Variants in PPME1 observed in about 807,000 individuals in gnomAD.
PPME1 encodes the protein testicular secretory protein Li 39.
In PPME1, 17 loss-of-function variants were observed where a neutral mutation model predicts 56.9. That is an observed-to-expected ratio of 0.30 (90% CI 0.20 to 0.45). PPME1 has a LOEUF of 0.45. Ranked by LOEUF, PPME1 falls within the 20% of genes least tolerant of loss-of-function variation. The pLI, the probability that PPME1 is intolerant of heterozygous loss-of-function variation, is 1.00. For synonymous variants in PPME1, 122 were observed against 156.2 expected (o/e 0.78, Z 1.63); for missense variants, 357 against 483.2 (o/e 0.74, Z 2.45).
intron 3 of PPME1, among the ~76,000 whole-genome samples, chr11:74,212,551 C>T (rs1052378276): frequency 7.9e-5 from 12 of 152,140 alleles, no homozygotes; most frequent in African/African-American, 2.2e-4. Flanking sequence ...CCACCTCTCC[C>T]CCAACCTCAG....
intron 3 of PPME1, among the ~76,000 whole-genome samples, chr11:74,217,541 C>CAAAAAAAAAAAAAAAAAAAAAAAA (rs61139169): frequency 1.3e-5 from 1 of 79,034 alleles, no homozygotes; most frequent in Non-Finnish European, 2.4e-5. Context: ...GACTCCGTCT[C>CAAAAAAAAAAAAAAAAAAAAAAAA]AAAAAAAAAA....
At chr11:74,189,317 T>C (rs1375023695) in intron 1 of PPME1, among the ~76,000 whole-genome samples, 1 of 152,160 alleles carries the variant, frequency 6.6e-6, no homozygotes, top group African/African-American at 2.4e-5. Context: ...TGAGACAAGG[T>C]CTCACTCTGT....
chr11:74,252,618 C>G (rs1474290032), intron 13 of PPME1: 8 of 443,212 alleles, frequency 1.8e-5, no homozygotes, highest in Non-Finnish European at 3.6e-5. Flanking sequence ...ATTGTGGGGA[C>G]TGTCCTGTGC....
Position 74,247,114 on chromosome 11 carries a change from C to CAGATGCAAGGTAAGTTATCA in PPME1, c.1004_1009+14dup. 1 of 1,611,576 alleles carries CAGATGCAAGGTAAGTTATCA rather than the reference C, an allele frequency of 6.2e-7. No individual in the cohort carries two copies. The highest frequency in any genetic ancestry group is 2.2e-5 in the East Asian group (1 of 44,844). On this transcript the variant is annotated frameshift_variant, in exon 11 of 14. Transcript: ENST00000328257. LOFTEE classifies it high-confidence loss of function. Reference sequence around the variant, plus strand: ...ATTGGATAAAGATCTGACCATTGGCCAGATGCAAGGTAAGTTATCAAGAAA... The same window carrying CAGATGCAAGGTAAGTTATCA: ...ATTGGATAAAGATCTGACCATTGGCCAGATGCAAGGTAAGTTATCAAGATGCAAGGTAAGTTATCAAGAAA...
rs1859645310 is a variant in PPME1, at chr11:74,251,037, G to T, written c.1074+19G>T. On this transcript the variant is annotated intron_variant, in intron 12 of 13. Coordinates refer to ENST00000328257, the MANE Select transcript of PPME1 (RefSeq NM_016147.3). ...TGACAAGGTGAGTCTGGTGCTCAGTGACTGTAAAAGGACAACTGTGAGAAT... is the reference window on the plus strand; with the variant it reads ...TGACAAGGTGAGTCTGGTGCTCAGTTACTGTAAAAGGACAACTGTGAGAAT... 6.3e-7 allele frequency: 1 copy of T among 1,579,206 alleles called. No homozygotes were observed. Among genetic ancestry groups the T allele is most frequent in the East Asian group, 2.3e-5 (1 of 43,202 alleles).
At chr11:74,243,426 G>A (rs926246330) in intron 9 of PPME1, 16 of 152,092 alleles carry the variant, frequency 1.1e-4, no homozygotes, top group African/African-American at 3.9e-4. Flanking sequence ...CAGTGTGCAT[G>A]TAGGAGGGGC....
intron 1 of PPME1, among the ~76,000 whole-genome samples, chr11:74,196,995 C>A (rs911645218): frequency 3.3e-5 from 5 of 152,152 alleles, no homozygotes; most frequent in African/African-American, 1.2e-4. Context: ...CAAGTCCCAG[C>A]CTCATTTTCC....
In PPME1 at chr11:74,171,390, C is replaced by G; in HGVS notation, c.-32C>G. ...TCAACGTGGGACGAAGCTTCGCCTA[C>G]TGTTTGACTACGTGCGTGCAGCCTC... On this transcript the variant is annotated 5_prime_UTR_variant, in exon 1 of 14. Transcript: ENST00000328257. 1.3e-6 allele frequency: 2 copies of G among 1,592,820 alleles called. No individual in the cohort carries two copies. Among genetic ancestry groups the G allele is most frequent in the Non-Finnish European group, 1.7e-6 (2 of 1,169,426 alleles).
chr11:74,199,874 C>A (rs1858103152), intron 1 of PPME1, among the ~76,000 whole-genome samples: 1 of 152,154 alleles, frequency 6.6e-6, no homozygotes, highest in Admixed American at 6.5e-5. Context: ...GCCATCAGAT[C>A]TCCTGAGACT....
chr11:74,180,220 T>G (rs1171983246), intron 1 of PPME1, among the ~76,000 whole-genome samples: 1 of 152,190 alleles, frequency 6.6e-6, no homozygotes, highest in Non-Finnish European at 1.5e-5. Flanking sequence ...AGTAGGCATA[T>G]CACATTGTAG....
At chr11:74,227,638 A>G (rs1858964610) in intron 5 of PPME1, among the ~76,000 whole-genome samples, 1 of 152,220 alleles carries the variant, frequency 6.6e-6, no homozygotes, top group African/African-American at 2.4e-5. Context: ...TAGCATTAAA[A>G]TATGACAGAA....
At chr11:74,184,989 CTTTTTTTTTTTTTTT>C (rs559947122) in intron 1 of PPME1, among the ~76,000 whole-genome samples, 1 of 95,744 alleles carries the variant, frequency 1.0e-5, no homozygotes. Flanking sequence ...TGAAGTATGT[CTTTTTTTTTTTTTTT>C]TTTTTTTTTT....
chr11:74,237,005 T>G (rs1257314532), intron 8 of PPME1, among the ~76,000 whole-genome samples: 1 of 152,114 alleles, frequency 6.6e-6, no homozygotes. Flanking sequence ...CATGCATCTT[T>G]TAATCTAAGG....
chr11:74,249,750 T>A (rs909365891), intron 11 of PPME1: 1 of 152,230 alleles, frequency 6.6e-6, no homozygotes, highest in Non-Finnish European at 1.5e-5. Flanking sequence ...ACCAGTGGCA[T>A]GTAAAATGTA....
intron 1 of PPME1, among the ~76,000 whole-genome samples, chr11:74,201,641 A>G (rs931912078): frequency 6.6e-6 from 1 of 152,174 alleles, no homozygotes. Context: ...TTATGTCTAA[A>G]TCTGTTTTTT....
Position 74,251,466 on chromosome 11 carries a change from T to G in PPME1, c.1075-182T>G, listed in dbSNP as rs565099389. On this transcript the variant is annotated intron_variant, in intron 12 of 13. Coordinates refer to ENST00000328257, the MANE Select transcript of PPME1 (RefSeq NM_016147.3). ...TCTATGGAGCTATCCCTGGCAAGGA[T>G]AGTGGGGAGGAGTCTTCTAGCTCTG... 20 of 1,428,264 alleles carry G rather than the reference T, an allele frequency of 1.4e-5. No individual in the cohort carries two copies. In the Admixed American group the frequency reaches 5.8e-4, roughly 42 times the overall value. 88.5% of individuals were successfully genotyped at this position (1,428,264 alleles called of 1,614,324 possible).
At chr11:74,253,457 C>A (rs368002492) in intron 13 of PPME1, 35 bp from the exon 14 acceptor site, 233 of 1,590,024 alleles carry the variant, frequency 1.5e-4, no homozygotes, top group South Asian at 9.2e-4. Context: ...TTGATAGTTA[C>A]ATTTGTTTTT....
intron 3 of PPME1, among the ~76,000 whole-genome samples, chr11:74,207,571 C>T (rs898658168): frequency 3.3e-5 from 5 of 152,018 alleles, no homozygotes; most frequent in African/African-American, 9.7e-5. Flanking sequence ...CCTTTTATTC[C>T]TTGTTTATAT....
At chr11:74,245,694 A>C (rs1859485640) in intron 9 of PPME1, among the ~76,000 whole-genome samples, 1 of 152,112 alleles carries the variant, frequency 6.6e-6, no homozygotes, top group Admixed American at 6.6e-5. Flanking sequence ...TTTCTTGCTT[A>C]TATTATAAGC....
Sources: allele counts gnomAD v4.1 joint callset (sites outside exome capture counted in the v4.1 genomes callset), GRCh38; gene constraint gnomAD v4.1.1; transcripts MANE v1.5; gene names NCBI Gene and HGNC (gene_info 2026-07-23, HGNC 2026-07-21).